Variants in PTPRN2 observed in about 807,000 individuals in gnomAD.
The protein encoded by PTPRN2 is protein tyrosine phosphatase receptor type N2, also known as receptor-type tyrosine-protein phosphatase N2.
In PTPRN2, 74 loss-of-function variants were observed where a neutral mutation model predicts 118.8. The ratio of observed to expected loss-of-function variants is 0.62; its 90% CI spans 0.52 to 0.76. PTPRN2 has a LOEUF of 0.76. Among genes scored for constraint, PTPRN2 ranks in the 30% least tolerant of loss-of-function variants. The pLI, the probability that PTPRN2 is intolerant of heterozygous loss-of-function variation, is 0.00. For synonymous variants in PTPRN2, 641 were observed against 608.0 expected (o/e 1.05, Z -0.80); for missense variants, 1,481 against 1,394.4 (o/e 1.06, Z -0.99).
At position 158,015,628 on chromosome 7, in the gene PTPRN2, T is replaced by C. The variant is rs1370011108; in HGVS notation, c.1723+65670A>G. Among the ~76,000 whole-genome samples, 1 of 152,176 alleles carries C rather than the reference T, an allele frequency of 6.6e-6. No individual in the cohort carries two copies. Among genetic ancestry groups the C allele is most frequent in the African/African-American group, 2.4e-5 (1 of 41,434 alleles). On this transcript the variant is annotated intron_variant, in intron 11 of 22. Coordinates refer to ENST00000389418, the MANE Select transcript of PTPRN2 (RefSeq NM_002847.5). This position sits in a 1 kb window ranked among gnomAD's most constrained non-coding sequence, Gnocchi z 4.2. ...TCTCTTTACTCACCAGCAGTTCATA[T>C]TGTTAATTTTTAACTAAAGACAACT...
At chr7:158,173,396 T>C (rs1202458070) in intron 5 of PTPRN2, among the ~76,000 whole-genome samples, 3 of 152,218 alleles carry the variant, frequency 2.0e-5, no homozygotes, top group African/African-American at 4.8e-5. Flanking sequence ...GATGCCCACC[T>C]GAGCCACAAA....
In PTPRN2 at chr7:158,314,080, C is replaced by T. The variant is rs150329955; in HGVS notation, c.277+2739G>A. 5.1e-3 allele frequency among the ~76,000 whole-genome samples: 778 copies of T among 152,280 alleles called. 6 individuals carry two copies. The highest frequency in any genetic ancestry group is 0.037 in the Middle Eastern group (11 of 294). On this transcript the variant is annotated intron_variant, in intron 3 of 22. Transcript: ENST00000389418. ...CAGGTGAACTCCGGCACCCTGCCCC[C>T]GCCACATCTCAGCACAGGATAGCAC...
Position 157,829,574 on chromosome 7 carries a change from C to A in PTPRN2, c.1788+69099G>T, listed in dbSNP as rs186189737. On this transcript the variant is annotated intron_variant, in intron 12 of 22. Transcript: ENST00000389418. ...TCTAGAGGCTCCAGCAAGACTGACA[C>A]GGAAAAGCTGAGGACGAGGATGTTG... Among the ~76,000 whole-genome samples, 77 of 152,328 alleles carry A rather than the reference C, an allele frequency of 5.1e-4. No homozygotes were observed. The East Asian group carries it at 5.6e-3, about 11-fold the overall frequency.
chr7:158,117,718 T>C (rs916968153), intron 9 of PTPRN2, among the ~76,000 whole-genome samples: 2 of 152,020 alleles, frequency 1.3e-5, no homozygotes, highest in Non-Finnish European at 2.9e-5. Context: ...CAAATAATAT[T>C]ATCAGCAGAA....
In PTPRN2 at chr7:157,545,577, C is replaced by A. The variant is rs76751748; in HGVS notation, c.2976+3369G>T. Among the ~76,000 whole-genome samples, 828 of 152,126 alleles carry A rather than the reference C, an allele frequency of 5.4e-3. 4 individuals carry two copies. The highest frequency in any genetic ancestry group is 8.5e-3 in the Admixed American group (130 of 15,296). On this transcript the variant is annotated intron_variant, in intron 22 of 22. Coordinates refer to ENST00000389418, the MANE Select transcript of PTPRN2 (RefSeq NM_002847.5). ...CGTGTGGTGTCAAAGCCCGCACTGC[C>A]GTTCAGCCCCTGGGTGCCTGGACTT... is the stretch of plus-strand genomic sequence containing the variant.
At chr7:157,616,058 G>A (rs1222822524) in intron 15 of PTPRN2, 1 of 175,684 alleles carries the variant, frequency 5.7e-6, no homozygotes, top group Admixed American at 5.9e-5. Context: ...AGGAGACGGT[G>A]AGCCCGGCTG....
rs112467188 is a variant in PTPRN2 at position 157,617,331 on chromosome 7, C to T, written c.2344+4031G>A. ...GCACGGGGGACGCTGGCTCACGATG[C>T]CCCAGTGATGCCGTGGTTAGGACGC... On this transcript the variant is annotated intron_variant, in intron 15 of 22. Coordinates refer to ENST00000389418, the MANE Select transcript of PTPRN2 (RefSeq NM_002847.5). The surrounding 1 kb of genome is among the most constrained non-coding windows in gnomAD (Gnocchi z 7.5). The T allele has an allele frequency of 9.4e-5, 14 of 148,912 alleles. No homozygotes were observed. The highest frequency in any genetic ancestry group is 1.6e-4 in the Non-Finnish European group (11 of 67,540). 9.2% of individuals were successfully genotyped at this position (148,912 alleles called of 1,614,324 possible).
intron 3 of PTPRN2, among the ~76,000 whole-genome samples, chr7:158,208,505 A>G (rs1052679851): frequency 1.9e-4 from 29 of 152,248 alleles, no homozygotes; most frequent in Non-Finnish European, 3.5e-4. Flanking sequence ...ATTGTTATTT[A>G]AAGTGTTAAA....
chr7:158,251,071 G>A (rs994975468), intron 3 of PTPRN2, among the ~76,000 whole-genome samples: 16 of 152,006 alleles, frequency 1.1e-4, no homozygotes, highest in South Asian at 8.3e-4. Context: ...TATCTAGGCT[G>A]GCATGAAATC....
intron 2 of PTPRN2, among the ~76,000 whole-genome samples, chr7:158,416,308 AG>A (rs1814652514): frequency 6.6e-6 from 1 of 152,202 alleles, no homozygotes. Flanking sequence ...CCCAACCCAC[AG>A]GGATACATGG....
intron 6 of PTPRN2, among the ~76,000 whole-genome samples, chr7:158,164,104 C>T (rs1160023496): frequency 2.0e-5 from 3 of 151,646 alleles, no homozygotes; most frequent in Non-Finnish European, 4.4e-5. Context: ...GTGGAGAGAG[C>T]ACGGTCAGGA....
rs866967820 is a variant in PTPRN2, at chr7:158,407,592, G to C, written c.163+82143C>G. Among the ~76,000 whole-genome samples the C allele has an allele frequency of 1.0e-3, 19 of 18,974 alleles. 5 individuals carry two copies. Among genetic ancestry groups the C allele is most frequent in the Non-Finnish European group, 1.6e-3 (14 of 8,844 alleles). The allele number at this position is 18,974 out of a possible 152,430, so 12.4% of individuals were successfully genotyped here. A position where few individuals can be genotyped will look rare whatever the true frequency, so the allele number is the denominator to read the frequency against. On this transcript the variant is annotated intron_variant, in intron 2 of 22. Transcript: ENST00000389418. ...CCTGGGTCCTGCGTCCTGGGTCCTG[G>C]GTCCTGCGTCCTGCGTCCTGGGTCC... is the stretch of plus-strand genomic sequence containing the variant.
intron 3 of PTPRN2, among the ~76,000 whole-genome samples, chr7:158,232,783 T>A (rs1287080627): frequency 1.3e-5 from 2 of 152,130 alleles, no homozygotes; most frequent in Non-Finnish European, 2.9e-5. Flanking sequence ...AATATGCATA[T>A]CAATAAACAT....
At chr7:157,856,592 C>A (rs949596975) in intron 12 of PTPRN2, among the ~76,000 whole-genome samples, 25 of 152,350 alleles carry the variant, frequency 1.6e-4, no homozygotes, top group African/African-American at 5.8e-4. Flanking sequence ...AAATGTATCA[C>A]AAAGGTTAAC....
At chr7:158,283,429 G>A (rs1799563809) in intron 3 of PTPRN2, among the ~76,000 whole-genome samples, 1 of 152,150 alleles carries the variant, frequency 6.6e-6, no homozygotes, top group African/African-American at 2.4e-5. Flanking sequence ...CAAAACCACT[G>A]AGACCACCAC....
intron 2 of PTPRN2, among the ~76,000 whole-genome samples, chr7:158,442,779 A>C (rs952726622): frequency 2.0e-5 from 3 of 152,184 alleles, no homozygotes; most frequent in African/African-American, 7.2e-5. Flanking sequence ...TACAGGAAAC[A>C]TGCATATGAA....
chr7:157,683,716 T>TGCATTTCA (rs965324734), intron 12 of PTPRN2, among the ~76,000 whole-genome samples: 4 of 152,134 alleles, frequency 2.6e-5, no homozygotes, highest in African/African-American at 9.7e-5. Flanking sequence ...GCCCTTTCGG[T>TGCATTTCA]GCATTTCACT....
rs1034463642 is a variant in PTPRN2 at position 157,729,985 on chromosome 7, A to G, written c.1789-47048T>C. ...CTTCTCTCCAGGGAGCAGAAACCAC[A>G]AGATAGACATGGCCCATTGTGCTCG... On this transcript the variant is annotated intron_variant, in intron 12 of 22. Transcript: ENST00000389418. This position sits in a 1 kb window ranked among gnomAD's most constrained non-coding sequence, Gnocchi z 4.3. 6.6e-6 allele frequency among the ~76,000 whole-genome samples: 1 copy of G among 152,220 alleles called. No homozygotes were observed. Among genetic ancestry groups the G allele is most frequent in the Non-Finnish European group, 1.5e-5 (1 of 68,038 alleles).
Position 158,166,252 on chromosome 7 carries a change from TCC to T in PTPRN2, c.910+677_910+678del, listed in dbSNP as rs1822963373. Among the ~76,000 whole-genome samples the T allele has an allele frequency of 1.2e-4, 17 of 144,568 alleles. 2 individuals carry two copies. Among genetic ancestry groups the T allele is most frequent in the African/African-American group, 2.9e-4 (11 of 37,322 alleles). The allele number at this position is 144,568 out of a possible 152,430, so 94.8% of individuals were successfully genotyped here. On this transcript the variant is annotated intron_variant, in intron 6 of 22. Coordinates refer to ENST00000389418, the MANE Select transcript of PTPRN2 (RefSeq NM_002847.5). The stretch of plus-strand genomic sequence containing the variant: ...TCACACCCTCAGGATCATCTCCTCC[TCC>T]CCCTGGCTGCCGCGTTCCCTGTCCT...
Sources: gnomAD v4.1 joint callset for allele counts (sites outside exome capture counted in the v4.1 genomes callset) on GRCh38, gnomAD v4.1.1 for gene constraint, Gnocchi (gnomAD v3.1) non-coding constraint, MANE v1.5 for transcripts, NCBI Gene and HGNC (gene_info 2026-07-23, HGNC 2026-07-21) for gene names.